PPARGC1A: variants seen among roughly 807,000 people sequenced by gnomAD.
The protein encoded by PPARGC1A is peroxisome proliferator-activated receptor gamma coactivator 1-alpha.
In PPARGC1A, 25 loss-of-function variants were observed where a neutral mutation model predicts 88.7. That is an observed-to-expected ratio of 0.28 (90% confidence interval 0.21 to 0.39). The LOEUF (loss-of-function observed/expected upper bound fraction) is 0.39. PPARGC1A is among the 10% of genes least tolerant of loss of function. PPARGC1A has a pLI of 1.00. For missense variants in PPARGC1A, 880 were observed against 968.7 expected (o/e 0.91, Z 1.22); for synonymous variants, 363 against 355.6 (o/e 1.02, Z -0.24).
the PPARGC1A span, among the ~76,000 whole-genome samples, chr4:24,111,370 A>T: frequency 6.6e-6 from 1 of 152,198 alleles, no homozygotes; most frequent in Non-Finnish European, 1.5e-5. Context: ...CATTATATAC[A>T]CATAGCTAGT....
the PPARGC1A span, among the ~76,000 whole-genome samples, chr4:24,366,122 T>C: frequency 6.6e-6 from 1 of 152,026 alleles, no homozygotes. Context: ...CAGCCAAGAG[T>C]TGAAATGCAC....
At chr4:24,018,637 C>T in the PPARGC1A span, among the ~76,000 whole-genome samples, 3 of 152,178 alleles carry the variant, frequency 2.0e-5, no homozygotes, top group Admixed American at 6.5e-5. Flanking sequence ...GTTCTCATTC[C>T]TCACGATCTC....
chr4:24,292,448 C>T, the PPARGC1A span, among the ~76,000 whole-genome samples: 1 of 151,654 alleles, frequency 6.6e-6, no homozygotes, highest in Non-Finnish European at 1.5e-5. Flanking sequence ...GGAAGGTTTC[C>T]CTCATGCCTG....
the PPARGC1A span, among the ~76,000 whole-genome samples, chr4:24,430,912 G>A: frequency 2.6e-5 from 4 of 152,024 alleles, no homozygotes; most frequent in Admixed American, 2.6e-4. Flanking sequence ...GAGGTCAGGA[G>A]TTCAAGACCA....
chr4:24,238,743 A>ATGTGTGTGTG, the PPARGC1A span, among the ~76,000 whole-genome samples: 13 of 118,644 alleles, frequency 1.1e-4, no homozygotes, highest in East Asian at 1.5e-3. Context: ...CCAAGGTTGT[A>ATGTGTGTGTG]TATGTGTGTG....
At chr4:24,425,741 G>A in the PPARGC1A span, among the ~76,000 whole-genome samples, 10 of 152,156 alleles carry the variant, frequency 6.6e-5, no homozygotes, top group Admixed American at 2.0e-4. Flanking sequence ...ATATCCAACC[G>A]TTGGGCTGAA....
chr4:24,335,802 G>C, the PPARGC1A span, among the ~76,000 whole-genome samples: 1 of 152,172 alleles, frequency 6.6e-6, no homozygotes, highest in Non-Finnish European at 1.5e-5. Flanking sequence ...AACTGGTCTT[G>C]CTTCCAATTT....
chr4:24,423,627 C>A, the PPARGC1A span, among the ~76,000 whole-genome samples: 1 of 152,098 alleles, frequency 6.6e-6, no homozygotes, highest in Non-Finnish European at 1.5e-5. Flanking sequence ...GAGTTTTTGT[C>A]ATTGGTTGAG....
the PPARGC1A span, among the ~76,000 whole-genome samples, chr4:23,991,784 C>T: frequency 6.6e-6 from 1 of 151,972 alleles, no homozygotes. Context: ...CATGATCTCT[C>T]CTTTACACTC....
the PPARGC1A span, among the ~76,000 whole-genome samples, chr4:24,085,386 A>T: frequency 6.6e-6 from 1 of 152,236 alleles, no homozygotes; most frequent in African/African-American, 2.4e-5. Context: ...TGTATCTGAA[A>T]GGTAAGTATC....
At chr4:23,817,347 C>G (rs1398153864) in intron 7 of PPARGC1A, among the ~76,000 whole-genome samples, 1 of 152,082 alleles carries the variant, frequency 6.6e-6, no homozygotes, top group Non-Finnish European at 1.5e-5. Context: ...AAAAACAAAG[C>G]CTTTTACCTC....
chr4:24,134,480 G>A, the PPARGC1A span, among the ~76,000 whole-genome samples: 9 of 152,186 alleles, frequency 5.9e-5, no homozygotes, highest in African/African-American at 4.8e-5. Flanking sequence ...TTGCGTGTTC[G>A]CAATGCCATT....
chr4:24,210,601 G>C, the PPARGC1A span, among the ~76,000 whole-genome samples: 11,754 of 152,202 alleles, frequency 0.077, 1,145 homozygotes, highest in African/African-American at 0.22. Flanking sequence ...ACCACGCAGA[G>C]GGGCACAGAC....
chr4:23,837,712 T>A (rs1004886775), intron 2 of PPARGC1A, among the ~76,000 whole-genome samples: 4 of 152,200 alleles, frequency 2.6e-5, no homozygotes, highest in African/African-American at 9.7e-5. Flanking sequence ...ATAAATGACA[T>A]TCTTGGATTA....
the PPARGC1A span, among the ~76,000 whole-genome samples, chr4:24,126,132 T>G: frequency 6.6e-6 from 1 of 152,176 alleles, no homozygotes; most frequent in Non-Finnish European, 1.5e-5. Context: ...CAGAATCAGA[T>G]TCAGATCCAG....
chr4:24,160,631 A>C, the PPARGC1A span, among the ~76,000 whole-genome samples: 1 of 152,160 alleles, frequency 6.6e-6, no homozygotes, highest in African/African-American at 2.4e-5. Flanking sequence ...GCTGTTTCAC[A>C]CACCTTACCA....
intron 1 of PPARGC1A, among the ~76,000 whole-genome samples, chr4:23,886,991 A>T (rs1047455484): frequency 6.6e-6 from 1 of 152,178 alleles, no homozygotes; most frequent in South Asian, 2.1e-4. Context: ...TTGGAATGCT[A>T]AAGTAGCATA....
the PPARGC1A span, among the ~76,000 whole-genome samples, chr4:24,115,045 G>A: frequency 1.3e-5 from 2 of 152,058 alleles, no homozygotes; most frequent in African/African-American, 4.8e-5. Flanking sequence ...AGCATTCCCG[G>A]TAATGCATTT....
chr4:24,175,242 G>GA, the PPARGC1A span, among the ~76,000 whole-genome samples: 1 of 151,986 alleles, frequency 6.6e-6, no homozygotes, highest in Non-Finnish European at 1.5e-5. Flanking sequence ...GGAGAAAATG[G>GA]AATACCACCC....
Sources: gnomAD v4.1 joint callset for allele counts (sites outside exome capture counted in the v4.1 genomes callset) on GRCh38, gnomAD v4.1.1 for gene constraint, MANE v1.5 for transcripts, NCBI Gene and HGNC (gene_info 2026-07-23, HGNC 2026-07-21) for gene names.